CRISPLD2: variants seen among roughly 807,000 people sequenced by gnomAD.
CRISPLD2 encodes the protein cysteine rich secretory protein LCCL domain containing 2.
A neutral mutation model predicts 71.1 loss-of-function variants in CRISPLD2; 47 were observed. The ratio of observed to expected loss-of-function variants is 0.66; its 90% CI spans 0.52 to 0.84. The LOEUF (loss-of-function observed/expected upper bound fraction) is 0.84, where lower values mean the gene tolerates loss of function less well. Among genes scored for constraint, CRISPLD2 ranks in the 40% least tolerant of loss-of-function variants. The probability of loss-of-function intolerance (pLI) is 0.00; values close to 1 mark genes in which losing one functional copy is unlikely to be tolerated. For synonymous variants in CRISPLD2, 317 were observed against 250.1 expected (o/e 1.27, Z -2.52); for missense variants, 830 against 651.1 (o/e 1.27, Z -2.99).
rs900370034 is a variant in CRISPLD2, at chr16:84,907,802, T to G, written c.*1160T>G. On this transcript the variant is annotated 3_prime_UTR_variant, in exon 15 of 15. Coordinates refer to ENST00000262424, the MANE Select transcript of CRISPLD2 (RefSeq NM_031476.4). ...GAGAGATGGGAATACACTAGAAGGATCTCTTTTCCTGTTTTCGTGAAACGA... is the reference window on the plus strand; with the variant it reads ...GAGAGATGGGAATACACTAGAAGGAGCTCTTTTCCTGTTTTCGTGAAACGA... 1 of 152,104 alleles carries G rather than the reference T, an allele frequency of 6.6e-6. No homozygotes were observed. Among genetic ancestry groups the G allele is most frequent in the Non-Finnish European group, 1.5e-5 (1 of 68,024 alleles). 9.4% of individuals were successfully genotyped at this position (152,104 alleles called of 1,614,324 possible). A position where few individuals can be genotyped will look rare whatever the true frequency, so the allele number is the denominator to read the frequency against.
At chr16:84,828,457 C>T (rs1160810023) in intron 1 of CRISPLD2, among the ~76,000 whole-genome samples, 2 of 152,152 alleles carry the variant, frequency 1.3e-5, no homozygotes, top group Admixed American at 6.5e-5. Context: ...CGGCAGAATT[C>T]GAACCCAGAG....
chr16:84,843,135 G>A (rs1284696884), intron 2 of CRISPLD2, among the ~76,000 whole-genome samples: 2 of 152,180 alleles, frequency 1.3e-5, no homozygotes, highest in African/African-American at 4.8e-5. Context: ...GCTGGGATCT[G>A]GGTCCTTTGG....
intron 1 of CRISPLD2, chr16:84,828,969 G>T (rs535946241): frequency 6.6e-6 from 1 of 152,206 alleles, no homozygotes; most frequent in Non-Finnish European, 1.5e-5. Context: ...CAGCTACTCG[G>T]GAGGCTAAGG....
intron 1 of CRISPLD2, chr16:84,829,282 G>C (rs1225930714): frequency 2.0e-5 from 3 of 152,230 alleles, no homozygotes; most frequent in Admixed American, 6.5e-5. Context: ...CTGCCAAGAA[G>C]GGTTTAAGGA....
At chr16:84,834,219 A>G (rs1384911237) in intron 1 of CRISPLD2, among the ~76,000 whole-genome samples, 1 of 152,068 alleles carries the variant, frequency 6.6e-6, no homozygotes, top group Non-Finnish European at 1.5e-5. Flanking sequence ...TCACACCACG[A>G]CGGGCGCAGG....
intron 8 of CRISPLD2, among the ~76,000 whole-genome samples, chr16:84,871,013 T>C (rs1429417137): frequency 7.9e-5 from 12 of 152,240 alleles, no homozygotes; most frequent in African/African-American, 2.4e-4. Context: ...AGCCGAGGTG[T>C]ACTGGTGCAC....
In CRISPLD2 at chr16:84,849,487, C is replaced by T. The variant is rs768682092; in HGVS notation, c.462C>T (p.Cys154=). ...SECNPWCPER[C]SGPMCTHYTQ... ...GCAACCCCTGGTGTCCAGAGAGGTG[C>T]TCGGGGCCCATGTGCACGCACTACA... Residue 154 remains cysteine, a synonymous_variant, in exon 4 of 15, where the codon TGC becomes TGT. Transcript: ENST00000262424. The T allele has an allele frequency of 6.8e-6, 11 of 1,614,140 alleles. No homozygotes were observed. Among genetic ancestry groups the T allele is most frequent in the South Asian group, 6.6e-5 (6 of 91,080 alleles).
At chr16:84,825,320 T>C (rs544636860) in intron 1 of CRISPLD2, among the ~76,000 whole-genome samples, 22 of 152,268 alleles carry the variant, frequency 1.4e-4, no homozygotes, top group Admixed American at 9.2e-4. Flanking sequence ...CTTAACACTT[T>C]GGGAGGTCTA....
At chr16:84,877,647 C>A in intron 12 of CRISPLD2, 137 bp downstream of exon 12, 1 of 593,376 alleles carries the variant, frequency 1.7e-6, no homozygotes, top group Non-Finnish European at 2.9e-6. Flanking sequence ...GCCAGGAGTT[C>A]GTGACCAGCC....
At chr16:84,840,487 A>G (rs553693123) in intron 2 of CRISPLD2, among the ~76,000 whole-genome samples, 1 of 152,078 alleles carries the variant, frequency 6.6e-6, no homozygotes, top group African/African-American at 2.4e-5. Context: ...AGAAGGTGCT[A>G]ATACGTATTT....
chr16:84,843,910 C>T (rs778547367), intron 2 of CRISPLD2, among the ~76,000 whole-genome samples: 8 of 152,154 alleles, frequency 5.3e-5, no homozygotes, highest in South Asian at 2.1e-4. Context: ...TGCTGGGACA[C>T]GGGGAGAGAG....
chr16:84,849,556 C>G (rs995818119), intron 4 of CRISPLD2, 39 bp downstream of exon 4: 13 of 1,601,926 alleles, frequency 8.1e-6, no homozygotes, highest in Non-Finnish European at 1.0e-5. Context: ...CCCTGCCCCC[C>G]AATCCCAGTC....
At chr16:84,899,017 C>G (rs2071730449) in intron 14 of CRISPLD2, among the ~76,000 whole-genome samples, 1 of 152,164 alleles carries the variant, frequency 6.6e-6, no homozygotes. Flanking sequence ...CTCAGCCTCC[C>G]TAGTTGCTGG....
At chr16:84,900,042 A>G (rs2071739704) in intron 14 of CRISPLD2, among the ~76,000 whole-genome samples, 1 of 152,106 alleles carries the variant, frequency 6.6e-6, no homozygotes, top group Non-Finnish European at 1.5e-5. Flanking sequence ...TGAACTTTCC[A>G]GAAACCAGCA....
In CRISPLD2 at chr16:84,889,359, G is replaced by A. The variant is rs74573375; in HGVS notation, c.1435G>A (p.Glu479Lys). 2.8e-4 allele frequency: 446 copies of A among 1,611,380 alleles called. 2 individuals are homozygous for A. In the African/African-American group the frequency reaches 5.4e-3, roughly 19 times the overall value. Residue 479 changes from glutamate to lysine, a missense_variant, in exon 14 of 15, where the codon GAA becomes AAA. Transcript: ENST00000262424. ...VGSLRNGVQS[E>K]SLGTPRDGKA... ...CTCGCTCAGGAATGGAGTTCAGTCT[G>A]AAAGGTAGGGTGGTGTTCTCCAACC...
intron 7 of CRISPLD2, among the ~76,000 whole-genome samples, chr16:84,867,327 C>T (rs1459590931): frequency 1.3e-5 from 2 of 152,192 alleles, no homozygotes; most frequent in Non-Finnish European, 2.9e-5. Context: ...CAAAAGGGAC[C>T]TGGGCTGAAG....
At chr16:84,843,427 A>G (rs1341556722) in intron 2 of CRISPLD2, among the ~76,000 whole-genome samples, 1 of 152,142 alleles carries the variant, frequency 6.6e-6, no homozygotes, top group African/African-American at 2.4e-5. Context: ...GGATTCTAAA[A>G]CCCCAAAGAG....
At chr16:84,847,650 C>CA (rs146057638) in intron 3 of CRISPLD2, among the ~76,000 whole-genome samples, 12,388 of 130,532 alleles carry the variant, frequency 0.095, 1,563 homozygotes, top group African/African-American at 0.3. Context: ...GAATTCGTCT[C>CA]AAAAAAAAAA....
At chr16:84,904,265 A>G (rs2071781226) in intron 14 of CRISPLD2, among the ~76,000 whole-genome samples, 1 of 152,186 alleles carries the variant, frequency 6.6e-6, no homozygotes, top group Non-Finnish European at 1.5e-5. Flanking sequence ...GGTGGTGCTG[A>G]CATCAGGACA....
Sources: allele counts gnomAD v4.1 joint callset (sites outside exome capture counted in the v4.1 genomes callset), GRCh38; gene constraint gnomAD v4.1.1; transcripts MANE v1.5; gene names NCBI Gene and HGNC (gene_info 2026-07-23, HGNC 2026-07-21).